CP: variants seen among roughly 807,000 people sequenced by gnomAD.
CP encodes caeruloplasmin.
A neutral mutation model predicts 122.4 loss-of-function variants in CP; 64 were observed. The ratio of observed to expected loss-of-function variants is 0.52; its 90% confidence interval spans 0.43 to 0.64. The LOEUF (loss-of-function observed/expected upper bound fraction) is 0.64, where lower values mean the gene tolerates loss of function less well. Among genes scored for constraint, CP ranks in the 30% least tolerant of loss-of-function variants. The probability of loss-of-function intolerance (pLI) is 0.00; values close to 1 mark genes in which losing one functional copy is unlikely to be tolerated. For missense variants in CP, 1,167 were observed against 1,284.4 expected (o/e 0.91, Z 1.40); for synonymous variants, 440 against 436.4 (o/e 1.01, Z -0.10).
intron 4 of CP, among the ~76,000 whole-genome samples, chr3:149,208,798 C>T (rs1559957247): frequency 2.0e-5 from 3 of 152,068 alleles, no homozygotes; most frequent in Non-Finnish European, 2.9e-5. Flanking sequence ...GTATGTAAAA[C>T]GAATACCTTT....
chr3:149,181,975 C>CCGGGGGGGGGGG, intron 14 of CP, 30 bp downstream of exon 14: 3 of 1,088,426 alleles, frequency 2.8e-6, no homozygotes, highest in East Asian at 3.2e-5. Flanking sequence ...TGTTAAAATG[C>CCGGGGGGGGGGG]ACCACCCCCA....
intron 4 of CP, among the ~76,000 whole-genome samples, chr3:149,208,927 T>C (rs1727926898): frequency 6.6e-6 from 1 of 152,224 alleles, no homozygotes; most frequent in Non-Finnish European, 1.5e-5. Context: ...AGAATGAGTC[T>C]AGTGGATAAA....
chr3:149,177,814 G>A, intron 17 of CP, 26 bp downstream of exon 17: 1 of 1,609,898 alleles, frequency 6.2e-7, no homozygotes. Context: ...AACAGAGCAA[G>A]AGTAATTGCC....
At chr3:149,221,548 C>T (rs1728806728) in intron 1 of CP, 99 bp downstream of exon 1, 2 of 1,145,772 alleles carry the variant, frequency 1.7e-6, no homozygotes, top group South Asian at 3.1e-5. Flanking sequence ...TTTGCAGTTT[C>T]TGTATATAAG....
chr3:149,194,717 G>A (rs1726783103), intron 9 of CP, among the ~76,000 whole-genome samples: 1 of 152,180 alleles, frequency 6.6e-6, no homozygotes, highest in Non-Finnish European at 1.5e-5. Flanking sequence ...TATGTAGGAT[G>A]ACTCAACTTC....
intron 14 of CP, 26 bp downstream of exon 14, chr3:149,181,979 A>ACCCACC: frequency 3.9e-6 from 2 of 515,790 alleles, no homozygotes; most frequent in South Asian, 1.5e-5. Flanking sequence ...AAAATGCACC[A>ACCCACC]CCCCCACCCC....
intron 14 of CP, among the ~76,000 whole-genome samples, chr3:149,181,700 G>A (rs1725785432): frequency 6.6e-6 from 1 of 152,142 alleles, no homozygotes; most frequent in Non-Finnish European, 1.5e-5. Flanking sequence ...CACATATGGT[G>A]TGGTAGATGC....
At chr3:149,162,947 T>A (rs1172561436) in intron 5 of CP, 1 of 1,253,760 alleles carries the variant, frequency 8.0e-7, no homozygotes, top group Non-Finnish European at 1.2e-6. Context: ...ACCTTATTTT[T>A]AATAACTTAT....
chr3:149,188,215 A>G lies in CP; in HGVS notation c.1714-13T>C. On this transcript the variant is annotated splice_polypyrimidine_tract_variant and intron_variant, in intron 9 of 18. Transcript: ENST00000264613. ...TGTCTACATCTTTCTGTAAATCAAA[A>G]CAAAATGAGATGGAGACAGAATGAA... The G allele has an allele frequency of 6.2e-7, 1 of 1,606,446 alleles. No homozygotes were observed. The highest frequency in any genetic ancestry group is 2.2e-5 in the East Asian group (1 of 44,730).
chr3:149,189,865 A>G (rs892634710), intron 9 of CP, among the ~76,000 whole-genome samples: 2 of 152,210 alleles, frequency 1.3e-5, no homozygotes, highest in Non-Finnish European at 2.9e-5. Flanking sequence ...AAGTAAAAAA[A>G]GAATGTCATT....
chr3:149,206,387 C>G (rs780728200), intron 5 of CP, 48 bp from the exon 6 acceptor site: 3 of 1,604,990 alleles, frequency 1.9e-6, no homozygotes, highest in African/African-American at 2.7e-5. Context: ...CAATGTTTCT[C>G]TCTCCTATTG....
At chr3:149,193,115 C>A (rs1472754602) in intron 9 of CP, among the ~76,000 whole-genome samples, 1 of 152,060 alleles carries the variant, frequency 6.6e-6, no homozygotes, top group African/African-American at 2.4e-5. Context: ...AAATTCTAGT[C>A]GCTAGTTACA....
rs774417341 is a variant in CP at position 149,172,926 on chromosome 3, A to T, written c.*788T>A. On this transcript the variant is annotated 3_prime_UTR_variant, in exon 19 of 19. Coordinates refer to ENST00000264613, the MANE Select transcript of CP (RefSeq NM_000096.4). ...ACTCTTGCTCTTTTAGCTAGAGTGT[A>T]TGTGAAAATAAAGAAATACATCATT... 1 of 152,626 alleles carries T rather than the reference A, an allele frequency of 6.6e-6. No individual in the cohort carries two copies. The highest frequency in any genetic ancestry group is 2.4e-5 in the African/African-American group (1 of 41,454). 9.5% of individuals were successfully genotyped at this position (152,626 alleles called of 1,614,324 possible). A position where few individuals can be genotyped will look rare whatever the true frequency, so the allele number is the denominator to read the frequency against.
At chr3:149,192,928 A>C (rs1168106418) in intron 9 of CP, among the ~76,000 whole-genome samples, 1 of 152,000 alleles carries the variant, frequency 6.6e-6, no homozygotes, top group African/African-American at 2.4e-5. Flanking sequence ...AGTGATTTTC[A>C]AACTTTTCTA....
At chr3:149,202,483 A>C (rs1727396496) in intron 6 of CP, among the ~76,000 whole-genome samples, 1 of 152,166 alleles carries the variant, frequency 6.6e-6, no homozygotes, top group Non-Finnish European at 1.5e-5. Flanking sequence ...AGTGAAGAGA[A>C]AATTTTCAGA....
chr3:149,167,339 C>A, intron 4 of CP: 2 of 914,072 alleles, frequency 2.2e-6, no homozygotes, highest in Non-Finnish European at 3.5e-6. Context: ...TTATGCTAAT[C>A]CAACATCATA....
chr3:149,183,619 A>C lies in CP; in HGVS notation c.2286-14T>G. 6.7e-7 allele frequency: 1 copy of C among 1,498,578 alleles called. No homozygotes were observed. The highest frequency in any genetic ancestry group is 9.2e-7 in the Non-Finnish European group (1 of 1,090,572). 92.8% of individuals were successfully genotyped at this position (1,498,578 alleles called of 1,614,324 possible). A position where few individuals can be genotyped will look rare whatever the true frequency, so the allele number is the denominator to read the frequency against. On this transcript the variant is annotated splice_polypyrimidine_tract_variant and intron_variant, in intron 12 of 18. Coordinates refer to ENST00000264613, the MANE Select transcript of CP (RefSeq NM_000096.4). ...GCATTTGAAACACTTAAAAAAAAAA[A>C]CAACTAAGGTTAGTATTTGTCTTAA...
At chr3:149,174,730 T>G (rs986971339) in intron 18 of CP, among the ~76,000 whole-genome samples, 4 of 152,170 alleles carry the variant, frequency 2.6e-5, no homozygotes, top group Non-Finnish European at 5.9e-5. Context: ...CAAAGCTTTA[T>G]TGGACTTATT....
chr3:149,206,652 A>G (rs971039281), intron 5 of CP, among the ~76,000 whole-genome samples: 1 of 152,320 alleles, frequency 6.6e-6, no homozygotes, highest in African/African-American at 2.4e-5. Flanking sequence ...AAATCTGTAG[A>G]TAAGCAGAGA....
Sources: gnomAD v4.1 joint callset for allele counts (sites outside exome capture counted in the v4.1 genomes callset) on GRCh38, gnomAD v4.1.1 for gene constraint, MANE v1.5 for transcripts, NCBI Gene and HGNC (gene_info 2026-07-23, HGNC 2026-07-21) for gene names.